The following CADM2 variants were observed in gnomAD, a reference collection of about 807,000 sequenced individuals.
CADM2 encodes cell adhesion molecule 2, also known as immunoglobulin superfamily member 4D.
In CADM2, 12 loss-of-function variants were observed where a neutral mutation model predicts 49.8. That is an observed-to-expected ratio of 0.24 (90% CI 0.15 to 0.39). The LOEUF (loss-of-function observed/expected upper bound fraction) is 0.39. Ranked by LOEUF, CADM2 falls within the 10% of genes least tolerant of loss-of-function variation. CADM2 has a pLI of 1.00. For synonymous variants in CADM2, 214 were observed against 175.4 expected (o/e 1.22, Z -1.74); for missense variants, 378 against 492.3 (o/e 0.77, Z 2.20).
intron 1 of CADM2, among the ~76,000 whole-genome samples, chr3:85,464,567 G>A (rs1381511456): frequency 1.3e-5 from 2 of 152,030 alleles, no homozygotes; most frequent in African/African-American, 4.8e-5. Context: ...ATTTCTCCCC[G>A]CTAAGTCTAT....
At chr3:85,309,227 T>C (rs953706228) in intron 1 of CADM2, among the ~76,000 whole-genome samples, 4 of 152,120 alleles carry the variant, frequency 2.6e-5, no homozygotes, top group Non-Finnish European at 5.9e-5. Context: ...GAAGCTTACT[T>C]CTCTGAAGAC....
intron 1 of CADM2, among the ~76,000 whole-genome samples, chr3:85,490,728 T>C (rs2039636266): frequency 6.6e-6 from 1 of 152,218 alleles, no homozygotes; most frequent in African/African-American, 2.4e-5. Flanking sequence ...AAGTGTTGAC[T>C]ATTTCTGAGG....
chr3:84,989,627 A>T lies in CADM2; in HGVS notation c.61+29959A>T, dbSNP rs545235942. ...TGACCTTTTTAGTTGTATGTTTCCA[A>T]ATTTTAGTCAGAATTAAAACTCTTA... On this transcript the variant is annotated intron_variant, in intron 1 of 9. Coordinates refer to ENST00000383699, the MANE Select transcript of CADM2 (RefSeq NM_001167675.2). Among the ~76,000 whole-genome samples, 251 of 152,146 alleles carry T rather than the reference A, an allele frequency of 1.6e-3. 1 individual carries two copies. The highest frequency in any genetic ancestry group is 2.7e-3 in the Non-Finnish European group (184 of 67,930).
At chr3:85,520,648 A>T (rs2061008973) in intron 1 of CADM2, among the ~76,000 whole-genome samples, 1 of 152,074 alleles carries the variant, frequency 6.6e-6, no homozygotes, top group Non-Finnish European at 1.5e-5. Flanking sequence ...TCTATTAGAC[A>T]TTTATCAGTC....
chr3:84,983,023 A>G (rs1032092309), intron 1 of CADM2, among the ~76,000 whole-genome samples: 1 of 151,822 alleles, frequency 6.6e-6, no homozygotes, highest in East Asian at 1.9e-4. Context: ...CTGGGATTAC[A>G]GGCCTGAGCC....
intron 1 of CADM2, among the ~76,000 whole-genome samples, chr3:85,685,327 T>C (rs9840241): frequency 6.6e-6 from 1 of 152,140 alleles, no homozygotes; most frequent in Non-Finnish European, 1.5e-5. Flanking sequence ...CTTCCAAATC[T>C]AGGATGTAAA....
intron 3 of CADM2, among the ~76,000 whole-genome samples, chr3:85,859,323 C>T (rs565156605): frequency 1.8e-4 from 27 of 147,996 alleles, no homozygotes; most frequent in Middle Eastern, 3.8e-3. Context: ...CTCTGCCTCC[C>T]GGGTTCAAGC....
chr3:85,767,524 T>G (rs995434019), intron 2 of CADM2, among the ~76,000 whole-genome samples: 1 of 152,180 alleles, frequency 6.6e-6, no homozygotes, highest in African/African-American at 2.4e-5. Context: ...TGAAGTTTTC[T>G]TCTCACTAAA....
At chr3:85,569,544 T>C (rs770208350) in intron 1 of CADM2, among the ~76,000 whole-genome samples, 18 of 152,088 alleles carry the variant, frequency 1.2e-4, no homozygotes, top group Non-Finnish European at 2.2e-4. Flanking sequence ...GCCAGCAATA[T>C]ACGAGTGACC....
chr3:85,580,077 A>G (rs72909296), intron 1 of CADM2, among the ~76,000 whole-genome samples: 6,518 of 152,258 alleles, frequency 0.043, 466 homozygotes, highest in African/African-American at 0.15. Flanking sequence ...ATGGCAAGAA[A>G]TCATTTACAT....
chr3:85,504,772 G>C (rs188973652), intron 1 of CADM2, among the ~76,000 whole-genome samples: 8,956 of 152,288 alleles, frequency 0.059, 600 homozygotes, highest in African/African-American at 0.16. Flanking sequence ...GCCCACGGAG[G>C]GGGTGGGAGG....
chr3:86,017,848 T>A (rs1048950752), intron 8 of CADM2, among the ~76,000 whole-genome samples: 3 of 150,260 alleles, frequency 2.0e-5, no homozygotes, highest in Non-Finnish European at 3.0e-5. Context: ...TTTTTTTTTA[T>A]AAAGTCTTTT....
chr3:85,459,690 T>C (rs542214151), intron 1 of CADM2, among the ~76,000 whole-genome samples: 2 of 152,364 alleles, frequency 1.3e-5, no homozygotes, highest in Non-Finnish European at 2.9e-5. Flanking sequence ...TAGTTAATTG[T>C]ATATCATTTA....
intron 1 of CADM2, among the ~76,000 whole-genome samples, chr3:85,032,290 A>G (rs185775993): frequency 6.6e-6 from 1 of 152,042 alleles, no homozygotes; most frequent in African/African-American, 2.4e-5. Context: ...TAACATTGGC[A>G]TGAAAGACAA....
intron 1 of CADM2, among the ~76,000 whole-genome samples, chr3:85,629,812 A>C (rs578029179): frequency 1.3e-5 from 2 of 152,150 alleles, no homozygotes; most frequent in South Asian, 4.1e-4. Context: ...ATTGCTTAAC[A>C]AAATTGACTA....
intron 1 of CADM2, among the ~76,000 whole-genome samples, chr3:85,156,970 T>A (rs2107658519): frequency 6.6e-6 from 1 of 152,226 alleles, no homozygotes; most frequent in Non-Finnish European, 1.5e-5. Flanking sequence ...CTCCTTAAGC[T>A]GATAAGCAAC....
chr3:85,606,536 A>C (rs1396977671), intron 1 of CADM2, among the ~76,000 whole-genome samples: 1 of 152,084 alleles, frequency 6.6e-6, no homozygotes, highest in Non-Finnish European at 1.5e-5. Context: ...TCACACCAAA[A>C]AGAGGATAGA....
intron 1 of CADM2, among the ~76,000 whole-genome samples, chr3:85,017,254 T>C (rs751392702): frequency 6.6e-6 from 1 of 152,204 alleles, no homozygotes; most frequent in African/African-American, 2.4e-5. Context: ...ACGCCACTCT[T>C]CCAAGAAGTG....
intron 1 of CADM2, among the ~76,000 whole-genome samples, chr3:85,008,391 T>C (rs1180908327): frequency 6.6e-6 from 1 of 152,206 alleles, no homozygotes; most frequent in African/African-American, 2.4e-5. Flanking sequence ...TTCAGTTGCA[T>C]GTTGAATTAC....
Sources: gnomAD v4.1 joint callset for allele counts (sites outside exome capture counted in the v4.1 genomes callset) on GRCh38, gnomAD v4.1.1 for gene constraint, MANE v1.5 for transcripts, NCBI Gene and HGNC (gene_info 2026-07-23, HGNC 2026-07-21) for gene names.